Variants in ST6GAL1 observed in about 807,000 individuals in gnomAD.
ST6GAL1 encodes the protein beta-galactoside alpha-2,6-sialyltransferase 1.
Under a neutral mutation model 38.0 loss-of-function variants are expected in ST6GAL1, and 20 were observed. The ratio of observed to expected loss-of-function variants is 0.53; its 90% CI spans 0.37 to 0.77. The LOEUF (loss-of-function observed/expected upper bound fraction) is 0.77, where lower values mean the gene tolerates loss of function less well. Ranked by LOEUF, ST6GAL1 falls within the 30% of genes least tolerant of loss-of-function variation. The probability of loss-of-function intolerance (pLI) is 0.00; values close to 1 mark genes in which losing one functional copy is unlikely to be tolerated. For synonymous variants in ST6GAL1, 196 were observed against 188.2 expected, an observed-to-expected ratio of 1.04 and a Z score of -0.34; for missense variants, 432 against 496.4, an observed-to-expected ratio of 0.87 and a Z score of 1.23.
chr3:186,949,713 G>GA (rs1208541412), intron 1 of ST6GAL1, among the ~76,000 whole-genome samples: 1 of 151,888 alleles, frequency 6.6e-6, no homozygotes, highest in Non-Finnish European at 1.5e-5. Context: ...TTATCATTCG[G>GA]AAAAAAAACC....
chr3:186,976,222 CT>C (rs1245930396), intron 2 of ST6GAL1, among the ~76,000 whole-genome samples: 4 of 152,162 alleles, frequency 2.6e-5, no homozygotes, highest in Admixed American at 1.3e-4. Context: ...GATTTCTCAT[CT>C]TCAGTTGGTT....
intron 2 of ST6GAL1, among the ~76,000 whole-genome samples, chr3:186,969,180 T>C (rs942101269): frequency 5.7e-5 from 7 of 122,380 alleles, no homozygotes; most frequent in Non-Finnish European, 1.0e-4. Context: ...GCCTCCTGAG[T>C]AGCTGGGATT....
chr3:186,949,673 G>A (rs144515943), intron 1 of ST6GAL1, among the ~76,000 whole-genome samples: 21 of 152,240 alleles, frequency 1.4e-4, no homozygotes, highest in Middle Eastern at 3.4e-3. Flanking sequence ...GTTAACTACC[G>A]TTTGCAATGT....
chr3:186,997,372 T>C (rs1240778065), intron 2 of ST6GAL1, among the ~76,000 whole-genome samples: 1 of 152,152 alleles, frequency 6.6e-6, no homozygotes, highest in African/African-American at 2.4e-5. Flanking sequence ...TGGAGCCCAG[T>C]CTTCTAAGCC....
chr3:187,012,759 A>G (rs565329894), intron 2 of ST6GAL1, among the ~76,000 whole-genome samples: 2 of 152,310 alleles, frequency 1.3e-5, no homozygotes, highest in East Asian at 3.9e-4. Flanking sequence ...GGACCATCTC[A>G]GTGATTTCCT....
At chr3:187,058,320 C>T (rs1718789467) in intron 5 of ST6GAL1, among the ~76,000 whole-genome samples, 1 of 152,152 alleles carries the variant, frequency 6.6e-6, no homozygotes, top group Non-Finnish European at 1.5e-5. Context: ...CAACCAGTCC[C>T]AATGATATGA....
rs61165191 is a variant in ST6GAL1 at position 187,024,493 on chromosome 3, TAGAGAGAGAGAGAG to T, written c.-182-14232_-182-14219del. The stretch of plus-strand genomic sequence containing the variant: ...ATATGTGTATATATATATATATATA[TAGAGAGAGAGAGAG>T]AGAGAGAGAGAGAGAGTATATGTGT... On this transcript the variant is annotated intron_variant, in intron 2 of 7. Coordinates refer to ENST00000169298, the MANE Select transcript of ST6GAL1 (RefSeq NM_173216.2). Among the ~76,000 whole-genome samples, 34 of 85,800 alleles carry T rather than the reference TAGAGAGAGAGAGAG, an allele frequency of 4.0e-4. No individual in the cohort carries two copies. The South Asian group carries it at 7.4e-3, about 19-fold the overall frequency. 56.3% of individuals were successfully genotyped at this position (85,800 alleles called of 152,430 possible).
In ST6GAL1 at chr3:186,952,317, AT is replaced by A. The variant is rs1714604936; in HGVS notation, c.-324-11467del. Among the ~76,000 whole-genome samples, 1 of 152,054 alleles carries A rather than the reference AT, an allele frequency of 6.6e-6. No individual in the cohort carries two copies. Among genetic ancestry groups the A allele is most frequent in the African/African-American group, 2.4e-5 (1 of 41,386 alleles). ...GCTCACCAGTATCCTCTCTTGCCAA[AT>A]CCAGTGGTCAGATCTCAGTCCCTAT... On this transcript the variant is annotated intron_variant, in intron 1 of 7. Transcript: ENST00000169298. This position sits in a 1 kb window ranked among gnomAD's most constrained non-coding sequence, Gnocchi z 4.1.
chr3:187,030,693 C>T (rs1263254989), intron 2 of ST6GAL1, among the ~76,000 whole-genome samples: 1 of 152,186 alleles, frequency 6.6e-6, no homozygotes, highest in Non-Finnish European at 1.5e-5. Context: ...CTTGGCCTCC[C>T]AAAGTGCTGG....
chr3:187,050,308 A>T (rs2108586093), intron 4 of ST6GAL1, among the ~76,000 whole-genome samples: 1 of 152,262 alleles, frequency 6.6e-6, no homozygotes, highest in South Asian at 2.1e-4. Flanking sequence ...AGATTGAAAG[A>T]AGTTCTCATA....
At chr3:186,989,757 C>T (rs1716088950) in intron 2 of ST6GAL1, among the ~76,000 whole-genome samples, 1 of 152,150 alleles carries the variant, frequency 6.6e-6, no homozygotes, top group South Asian at 2.1e-4. Context: ...CCAAGGTGCC[C>T]ACCAGGTAGC....
chr3:187,000,876 T>A (rs1293977220), intron 2 of ST6GAL1, among the ~76,000 whole-genome samples: 1 of 152,204 alleles, frequency 6.6e-6, no homozygotes, highest in Non-Finnish European at 1.5e-5. Flanking sequence ...ATCACCAGCA[T>A]TGGGTGTGAA....
chr3:187,073,095 C>A, intron 6 of ST6GAL1, 148 bp downstream of exon 6: 1 of 616,086 alleles, frequency 1.6e-6, no homozygotes, highest in Non-Finnish European at 2.9e-6. Flanking sequence ...TTCATCTGGA[C>A]TAGCAGATTC....
intron 4 of ST6GAL1, among the ~76,000 whole-genome samples, chr3:187,045,060 C>T (rs1389773757): frequency 6.6e-6 from 1 of 152,138 alleles, no homozygotes; most frequent in African/African-American, 2.4e-5. Flanking sequence ...TTTGTTGAAG[C>T]CCGAGTTGCA....
At chr3:187,030,316 A>G (rs1717699489) in intron 2 of ST6GAL1, among the ~76,000 whole-genome samples, 1 of 152,200 alleles carries the variant, frequency 6.6e-6, no homozygotes, top group Non-Finnish European at 1.5e-5. Context: ...CCTGACAAAT[A>G]GCATGTGTTA....
intron 2 of ST6GAL1, chr3:187,024,659 C>T (rs986388880): frequency 6.6e-6 from 1 of 151,990 alleles, no homozygotes; most frequent in African/African-American, 2.4e-5. Context: ...AAACAACACC[C>T]TGAGGAAGCC....
intron 5 of ST6GAL1, among the ~76,000 whole-genome samples, chr3:187,052,419 G>A (rs1413822142): frequency 6.6e-6 from 1 of 152,066 alleles, no homozygotes; most frequent in East Asian, 1.9e-4. Flanking sequence ...TTTACATTAG[G>A]TATTTCTCCT....
At chr3:186,964,799 C>G (rs1435367762) in intron 2 of ST6GAL1, among the ~76,000 whole-genome samples, 1 of 152,212 alleles carries the variant, frequency 6.6e-6, no homozygotes, top group African/African-American at 2.4e-5. Context: ...ATTAGATAAG[C>G]AAGCTGCTGG....
intron 2 of ST6GAL1, among the ~76,000 whole-genome samples, chr3:187,033,463 A>T (rs915473801): frequency 2.9e-4 from 44 of 152,222 alleles, no homozygotes; most frequent in African/African-American, 1.1e-3. Context: ...TTAATCTTTC[A>T]TCAGTTTATC....
Sources: gnomAD v4.1 joint callset for allele counts (sites outside exome capture counted in the v4.1 genomes callset) on GRCh38, gnomAD v4.1.1 for gene constraint, Gnocchi (gnomAD v3.1) non-coding constraint, MANE v1.5 for transcripts, NCBI Gene and HGNC (gene_info 2026-07-23, HGNC 2026-07-21) for gene names.